DARS1: variants seen among roughly 807,000 people sequenced by gnomAD.
The protein encoded by DARS1 is aspartate--tRNA ligase, cytoplasmic.
Under a neutral mutation model 68.8 loss-of-function variants are expected in DARS1, and 51 were observed. That is an observed-to-expected ratio of 0.74 (90% confidence interval 0.59 to 0.94). The LOEUF is 0.94. DARS1 is among the 40% of genes least tolerant of loss of function. The pLI, the probability that DARS1 is intolerant of heterozygous loss-of-function variation, is 0.00. For synonymous variants in DARS1, 203 were observed against 190.4 expected (o/e 1.07, Z -0.55); for missense variants, 607 against 597.3 (o/e 1.02, Z -0.17).
At chr2:135,924,566 A>T (rs1179232496) in intron 7 of DARS1, 68 bp from the exon 8 acceptor site, 2 of 1,532,116 alleles carry the variant, frequency 1.3e-6, no homozygotes, top group Non-Finnish European at 1.7e-6. Flanking sequence ...TCTGTGGGCT[A>T]GGCACTGTGG....
chr2:135,919,399 CT>C (rs770509337), intron 10 of DARS1, among the ~76,000 whole-genome samples: 1 of 152,160 alleles, frequency 6.6e-6, no homozygotes, highest in Non-Finnish European at 1.5e-5. Flanking sequence ...TTTTTGAACT[CT>C]TTTAAAATAC....
chr2:135,984,463 C>T (rs1682721226), intron 1 of DARS1, among the ~76,000 whole-genome samples: 1 of 152,162 alleles, frequency 6.6e-6, no homozygotes, highest in Non-Finnish European at 1.5e-5. Flanking sequence ...TAAAACCAGA[C>T]ATGTTTAAGG....
chr2:135,911,362 A>C lies in DARS1; in HGVS notation c.1342+20T>G. The C allele has an allele frequency of 1.1e-6, 1 of 880,932 alleles. No homozygotes were observed. The highest frequency in any genetic ancestry group is 1.9e-6 in the Non-Finnish European group (1 of 515,054). 54.6% of individuals were successfully genotyped at this position (880,932 alleles called of 1,614,324 possible). A position where few individuals can be genotyped will look rare whatever the true frequency, so the allele number is the denominator to read the frequency against. On this transcript the variant is annotated intron_variant, in intron 14 of 15. Coordinates refer to ENST00000264161, the MANE Select transcript of DARS1 (RefSeq NM_001349.4). ...TATTTTCAGAATATACACTCCCCTA[A>C]ATTATTTTAAGTTGTTTACCAATTC...
At chr2:135,960,904 C>G (rs1363406256) in intron 4 of DARS1, among the ~76,000 whole-genome samples, 1 of 152,196 alleles carries the variant, frequency 6.6e-6, no homozygotes, top group Non-Finnish European at 1.5e-5. Context: ...TTCTCCTAAA[C>G]CCTTTTGGTG....
chr2:135,907,236 G>A lies in DARS1; in HGVS notation c.*80C>T. The stretch of plus-strand genomic sequence containing the variant: ...GCAGGTTACTGAAAAGAATAAGTGT[G>A]GCTTTCTTTTTTTTTTTTTTTTTTT... On this transcript the variant is annotated 3_prime_UTR_variant, in exon 16 of 16. Transcript: ENST00000264161. 1 of 767,778 alleles carries A rather than the reference G, an allele frequency of 1.3e-6. No homozygotes were observed. 47.6% of individuals were successfully genotyped at this position (767,778 alleles called of 1,614,324 possible).
At chr2:135,983,230 T>G (rs764783219) in intron 2 of DARS1, among the ~76,000 whole-genome samples, 167 bp downstream of exon 2, 2 of 152,212 alleles carry the variant, frequency 1.3e-5, no homozygotes, top group Non-Finnish European at 2.9e-5. Flanking sequence ...AACCCTAAAC[T>G]GACAATGTTT....
At chr2:135,917,561 G>T (rs1230008404) in intron 10 of DARS1, among the ~76,000 whole-genome samples, 1 of 150,918 alleles carries the variant, frequency 6.6e-6, no homozygotes, top group African/African-American at 2.4e-5. Flanking sequence ...CCACAACCTC[G>T]GCCTTCTGGG....
intron 10 of DARS1, among the ~76,000 whole-genome samples, chr2:135,919,435 A>G (rs939918964): frequency 3.9e-5 from 6 of 152,252 alleles, no homozygotes; most frequent in Non-Finnish European, 7.3e-5. Flanking sequence ...AAATACATCA[A>G]CAAGGAATAG....
intron 3 of DARS1, among the ~76,000 whole-genome samples, chr2:135,972,633 G>A (rs1682398691): frequency 1.3e-5 from 2 of 152,112 alleles, no homozygotes; most frequent in Non-Finnish European, 2.9e-5. Context: ...ACAAAGTGAA[G>A]AGACAACCCA....
chr2:135,945,242 C>A (rs1281820077), intron 4 of DARS1, among the ~76,000 whole-genome samples: 1 of 152,108 alleles, frequency 6.6e-6, no homozygotes, highest in Non-Finnish European at 1.5e-5. Context: ...ATTCTCCTGT[C>A]TCAGCCTCCT....
At chr2:135,956,277 C>T (rs954226260) in intron 4 of DARS1, among the ~76,000 whole-genome samples, 7 of 152,076 alleles carry the variant, frequency 4.6e-5, no homozygotes, top group African/African-American at 1.7e-4. Flanking sequence ...TTTGAATACA[C>T]GATTGGCAAG....
At position 135,911,131 on chromosome 2, in the gene DARS1, A is replaced by G. The variant is rs750390582; in HGVS notation, c.1414+8T>C. 1 of 1,252,764 alleles carries G rather than the reference A, an allele frequency of 8.0e-7. No individual in the cohort carries two copies. Among genetic ancestry groups the G allele is most frequent in the Admixed American group, 1.7e-5 (1 of 58,694 alleles). 77.6% of individuals were successfully genotyped at this position (1,252,764 alleles called of 1,614,324 possible). A position where few individuals can be genotyped will look rare whatever the true frequency, so the allele number is the denominator to read the frequency against. On this transcript the variant is annotated splice_region_variant and intron_variant, in intron 15 of 15. Coordinates refer to ENST00000264161, the MANE Select transcript of DARS1 (RefSeq NM_001349.4). ...TGAACTTATTTGTAAGCAATAACAG[A>G]ATATTACCAATGCCTCCACCAGCAT...
intron 7 of DARS1, among the ~76,000 whole-genome samples, chr2:135,927,080 G>C (rs1289168885): frequency 6.6e-6 from 1 of 152,122 alleles, no homozygotes; most frequent in African/African-American, 2.4e-5. Context: ...CATCTAAAGA[G>C]AAACAAAATC....
intron 12 of DARS1, among the ~76,000 whole-genome samples, chr2:135,913,908 A>G (rs1309127351): frequency 3.3e-5 from 5 of 152,220 alleles, no homozygotes; most frequent in Non-Finnish European, 7.3e-5. Flanking sequence ...TGACTTCAGA[A>G]ATATCAGTTC....
At chr2:135,908,444 G>A (rs1575380013) in intron 15 of DARS1, among the ~76,000 whole-genome samples, 1 of 152,138 alleles carries the variant, frequency 6.6e-6, no homozygotes, top group East Asian at 1.9e-4. Flanking sequence ...TGGGACTGCG[G>A]GGTCAAATGG....
chr2:135,933,798 T>C (rs1158350254), intron 6 of DARS1, 112 bp downstream of exon 6: 7 of 1,358,212 alleles, frequency 5.2e-6, no homozygotes, highest in Non-Finnish European at 6.7e-6. Context: ...TAAGTTTAAA[T>C]AACAATGGAG....
intron 4 of DARS1, among the ~76,000 whole-genome samples, chr2:135,944,889 T>C (rs949280458): frequency 1.3e-5 from 2 of 152,184 alleles, no homozygotes; most frequent in Non-Finnish European, 2.9e-5. Context: ...GAGAATTCTA[T>C]TGCTTATCTC....
At chr2:135,977,104 T>C (rs1682518509) in intron 3 of DARS1, among the ~76,000 whole-genome samples, 1 of 152,140 alleles carries the variant, frequency 6.6e-6, no homozygotes, top group Admixed American at 6.5e-5. Flanking sequence ...AAAACTACGA[T>C]GGAAGGCAAG....
chr2:135,936,449 G>A (rs772569085), intron 5 of DARS1, among the ~76,000 whole-genome samples: 20 of 151,776 alleles, frequency 1.3e-4, no homozygotes, highest in African/African-American at 3.9e-4. Context: ...AGGCTAGAGC[G>A]CAGTGGTGTG....
Sources: allele counts gnomAD v4.1 joint callset (sites outside exome capture counted in the v4.1 genomes callset), GRCh38; gene constraint gnomAD v4.1.1; transcripts MANE v1.5; gene names NCBI Gene and HGNC (gene_info 2026-07-23, HGNC 2026-07-21).